NYAP2: variants seen among roughly 807,000 people sequenced by gnomAD.
The protein encoded by NYAP2 is neuronal tyrosine-phosphorylated phosphoinositide-3-kinase adapter 2.
Under a neutral mutation model 50.4 loss-of-function variants are expected in NYAP2, and 23 were observed. The observed-to-expected ratio is 0.46, with a 90% CI of 0.33 to 0.65. NYAP2 has a LOEUF of 0.65. NYAP2 is among the 30% of genes least tolerant of loss of function. NYAP2 has a pLI of 0.02. For missense variants in NYAP2, 885 were observed against 861.0 expected, an observed-to-expected ratio of 1.03 and a Z score of -0.35; for synonymous variants, 394 against 365.2, an observed-to-expected ratio of 1.08 and a Z score of -0.90.
In NYAP2 at chr2:225,626,907, T is replaced by A. The variant is rs1216463035; in HGVS notation, c.1619-10T>A. On this transcript the variant is annotated splice_polypyrimidine_tract_variant and intron_variant, in intron 5 of 6. Transcript: ENST00000636099. ...TTGTTTAACAGAATGTAATTCTGGT[T>A]ACTACACAGAATCAACAGAGGAACT... 2.6e-6 allele frequency: 4 copies of A among 1,553,448 alleles called. No individual in the cohort carries two copies. Among genetic ancestry groups the A allele is most frequent in the Non-Finnish European group, 3.5e-6 (4 of 1,145,038 alleles).
intron 3 of NYAP2, among the ~76,000 whole-genome samples, chr2:225,468,286 T>G (rs1396513059): frequency 6.6e-6 from 1 of 152,184 alleles, no homozygotes; most frequent in Non-Finnish European, 1.5e-5. Flanking sequence ...CAGCCATGTG[T>G]AGACGTAGGC....
intron 5 of NYAP2, among the ~76,000 whole-genome samples, chr2:225,624,109 T>C (rs1024074037): frequency 6.6e-6 from 1 of 152,190 alleles, no homozygotes; most frequent in Non-Finnish European, 1.5e-5. Flanking sequence ...AAAAGTATAT[T>C]CTATATGTTA....
chr2:225,554,935 AAAAT>A (rs1691750669), intron 4 of NYAP2, among the ~76,000 whole-genome samples: 1 of 152,152 alleles, frequency 6.6e-6, no homozygotes, highest in Non-Finnish European at 1.5e-5. Flanking sequence ...TTATAAATAA[AAAAT>A]AACAGCTAAT....
chr2:225,526,333 T>C (rs560316982), intron 4 of NYAP2, among the ~76,000 whole-genome samples: 1 of 152,294 alleles, frequency 6.6e-6, no homozygotes, highest in African/African-American at 2.4e-5. Context: ...GTCTGACAAA[T>C]AGCAGATGCT....
Position 225,582,122 on chromosome 2 carries a change from G to C in NYAP2, c.705G>C (p.Ala235=). The stretch of plus-strand genomic sequence containing the variant: ...CCTTGTCCCAGATGGGCAGCCCCGC[G>C]GGAGACCCCGAGGAAGAGGAGCCCG... The change falls in exon 5 of 7, where the codon GCG becomes GCC. Residue 235 remains alanine (A), a synonymous_variant. Transcript: ENST00000636099. This position sits in a 1 kb window ranked among gnomAD's most constrained non-coding sequence, Gnocchi z 7.0. 6.2e-7 allele frequency: 1 copy of C among 1,613,960 alleles called. No individual in the cohort carries two copies. Among genetic ancestry groups the C allele is most frequent in the Non-Finnish European group, 8.5e-7 (1 of 1,179,830 alleles).
intron 4 of NYAP2, among the ~76,000 whole-genome samples, chr2:225,520,069 T>G (rs1487449885): frequency 6.6e-6 from 1 of 152,254 alleles, no homozygotes; most frequent in Non-Finnish European, 1.5e-5. Context: ...ATAAATGTCT[T>G]CTTTTGAGAA....
chr2:225,618,984 G>A (rs1006265821), intron 5 of NYAP2, among the ~76,000 whole-genome samples: 4 of 152,184 alleles, frequency 2.6e-5, no homozygotes, highest in Admixed American at 6.5e-5. Flanking sequence ...AGACTGCTAA[G>A]TTGTGGGCAC....
At chr2:225,577,162 A>G (rs1424984078) in intron 4 of NYAP2, among the ~76,000 whole-genome samples, 1 of 152,198 alleles carries the variant, frequency 6.6e-6, no homozygotes, top group Non-Finnish European at 1.5e-5. Flanking sequence ...CACATAGCTC[A>G]TTTCAAAAAT....
chr2:225,434,350 C>T (rs1435770082), intron 3 of NYAP2, among the ~76,000 whole-genome samples: 2 of 152,124 alleles, frequency 1.3e-5, no homozygotes, highest in African/African-American at 4.8e-5. Flanking sequence ...AGGAAACAAA[C>T]CTATTTCTTT....
At chr2:225,561,215 A>G (rs182856143) in intron 4 of NYAP2, among the ~76,000 whole-genome samples, 63 of 152,230 alleles carry the variant, frequency 4.1e-4, no homozygotes, top group African/African-American at 1.4e-3. Flanking sequence ...GGTGGTCATG[A>G]GAAACCCTCA....
chr2:225,665,058 CCTT>C, the NYAP2 span, among the ~76,000 whole-genome samples: 13 of 152,108 alleles, frequency 8.5e-5, no homozygotes, highest in Non-Finnish European at 1.9e-4. Flanking sequence ...GATTATGAAG[CCTT>C]CTCTCCACAA....
chr2:225,416,062 T>C (rs1379302944), intron 3 of NYAP2, among the ~76,000 whole-genome samples: 1 of 152,148 alleles, frequency 6.6e-6, no homozygotes, highest in Non-Finnish European at 1.5e-5. Context: ...CGGGTGAGAT[T>C]AAACAGCAGC....
intron 4 of NYAP2, 72 bp from the exon 5 acceptor site, chr2:225,581,869 C>A (rs1054231516): frequency 2.8e-6 from 4 of 1,431,582 alleles, no homozygotes; most frequent in Non-Finnish European, 3.8e-6. Context: ...TTGTAGTAAA[C>A]CCACATGCAA....
chr2:225,436,010 T>C (rs1220606022), intron 3 of NYAP2, among the ~76,000 whole-genome samples: 1 of 152,156 alleles, frequency 6.6e-6, no homozygotes, highest in African/African-American at 2.4e-5. Context: ...CTAGGAAATA[T>C]AAGATAAAAT....
chr2:225,430,733 C>A (rs1695355219), intron 3 of NYAP2, among the ~76,000 whole-genome samples: 1 of 151,792 alleles, frequency 6.6e-6, no homozygotes, highest in Non-Finnish European at 1.5e-5. Flanking sequence ...TTTATTAAAA[C>A]CAAAAACAAA....
chr2:225,455,643 C>T (rs1042708504), intron 3 of NYAP2, among the ~76,000 whole-genome samples: 2 of 152,120 alleles, frequency 1.3e-5, no homozygotes, highest in African/African-American at 4.8e-5. Context: ...CTCCTATAGC[C>T]TTTTGTTATT....
At chr2:225,487,203 C>G (rs1690315764) in intron 3 of NYAP2, among the ~76,000 whole-genome samples, 1 of 152,196 alleles carries the variant, frequency 6.6e-6, no homozygotes, top group Non-Finnish European at 1.5e-5. Context: ...TGGCCACAAG[C>G]TAGTATTTCG....
At chr2:225,520,952 G>A (rs896601909) in intron 4 of NYAP2, among the ~76,000 whole-genome samples, 3 of 151,038 alleles carry the variant, frequency 2.0e-5, no homozygotes, top group African/African-American at 7.4e-5. Flanking sequence ...ATTTCATTGA[G>A]CAGTGGTTTG....
intron 3 of NYAP2, among the ~76,000 whole-genome samples, chr2:225,413,893 T>C (rs992924066): frequency 6.6e-6 from 1 of 152,188 alleles, no homozygotes; most frequent in African/African-American, 2.4e-5. Flanking sequence ...TGAAAAGGCA[T>C]TGATGATAAT....
Sources: gnomAD v4.1 joint callset for allele counts (sites outside exome capture counted in the v4.1 genomes callset) on GRCh38, gnomAD v4.1.1 for gene constraint, Gnocchi (gnomAD v3.1) non-coding constraint, MANE v1.5 for transcripts, NCBI Gene and HGNC (gene_info 2026-07-23, HGNC 2026-07-21) for gene names.